PXDNL: variants seen among roughly 807,000 people sequenced by gnomAD.
PXDNL encodes peroxidasin like, also known as probable oxidoreductase PXDNL.
In PXDNL, 145 loss-of-function variants were observed where a neutral mutation model predicts 150.8. The ratio of observed to expected loss-of-function variants is 0.96; its 90% CI spans 0.84 to 1.10. The LOEUF is 1.10. Among genes scored for constraint, PXDNL ranks in the 50% least tolerant of loss-of-function variants. PXDNL has a pLI of 0.00. For missense variants in PXDNL, 2,087 were observed against 1,873.9 expected (o/e 1.11, Z -2.10); for synonymous variants, 757 against 725.7 (o/e 1.04, Z -0.69).
intron 2 of PXDNL, among the ~76,000 whole-genome samples, chr8:51,639,529 C>G (rs934607520): frequency 6.6e-6 from 1 of 152,018 alleles, no homozygotes; most frequent in Non-Finnish European, 1.5e-5. Flanking sequence ...ATATCACCAC[C>G]GATCCCACAG....
intron 14 of PXDNL, among the ~76,000 whole-genome samples, chr8:51,419,721 GTTA>G (rs1213341793): frequency 6.6e-6 from 1 of 152,094 alleles, no homozygotes; most frequent in African/African-American, 2.4e-5. Flanking sequence ...GTTACAGTAA[GTTA>G]TTATTAAATA....
rs370162027 is a variant in PXDNL at position 51,413,244 on chromosome 8, G to A, written c.1810C>T (p.Gln604Ter). The change falls in exon 15 of 23, where the codon CAA (glutamine) becomes TAA (stop). Residue 604 changes from glutamine (Q) to a stop codon, truncating the protein, a stop_gained. Coordinates refer to ENST00000356297, the MANE Select transcript of PXDNL (RefSeq NM_144651.5). LOFTEE classifies it high-confidence loss of function. Reference protein sequence around the residue: ...FLTVTAIQGRQAGDDFVESSI... With the variant: ...FLTVTAIQGR ...GATTCAACAAAGTCATCGCCAGCTT[G>A]TCTACCCTGTATAGCTTTGAAAATC... 1 of 1,607,190 alleles carries A rather than the reference G, an allele frequency of 6.2e-7. No homozygotes were observed. Among genetic ancestry groups the A allele is most frequent in the African/African-American group, 1.3e-5 (1 of 74,908 alleles).
chr8:51,440,678 GTATC>G (rs1469778037), intron 12 of PXDNL, among the ~76,000 whole-genome samples: 4 of 152,094 alleles, frequency 2.6e-5, no homozygotes, highest in African/African-American at 9.7e-5. Flanking sequence ...AATAGCTAAA[GTATC>G]TATCTAGGAA....
At chr8:51,769,986 T>A (rs779785678) in intron 1 of PXDNL, among the ~76,000 whole-genome samples, 4 of 152,258 alleles carry the variant, frequency 2.6e-5, no homozygotes, top group Non-Finnish European at 4.4e-5. Context: ...CACCCTCAGA[T>A]CATGGTAATG....
At chr8:51,709,278 G>A (rs555716438) in intron 1 of PXDNL, among the ~76,000 whole-genome samples, 6 of 150,206 alleles carry the variant, frequency 4.0e-5, no homozygotes, top group South Asian at 2.1e-4. Context: ...TTTTTGAGAC[G>A]GAGTCTCACT....
At chr8:51,468,081 T>G (rs530567953) in intron 8 of PXDNL, among the ~76,000 whole-genome samples, 1 of 152,180 alleles carries the variant, frequency 6.6e-6, no homozygotes, top group African/African-American at 2.4e-5. Context: ...TTTGTATCTT[T>G]GCATGTGATC....
At chr8:51,583,158 G>T (rs1426835373) in intron 3 of PXDNL, among the ~76,000 whole-genome samples, 1 of 152,100 alleles carries the variant, frequency 6.6e-6, no homozygotes, top group Non-Finnish European at 1.5e-5. Flanking sequence ...TAGTCCATTG[G>T]CATCGCTTTA....
chr8:51,612,935 T>C (rs1371959807), intron 2 of PXDNL, among the ~76,000 whole-genome samples: 1 of 152,214 alleles, frequency 6.6e-6, no homozygotes, highest in Admixed American at 6.5e-5. Context: ...GTCCCTTAAC[T>C]AAATTATCTT....
chr8:51,550,168 A>G (rs999941170), intron 4 of PXDNL, among the ~76,000 whole-genome samples: 3 of 152,114 alleles, frequency 2.0e-5, no homozygotes, highest in African/African-American at 7.2e-5. Context: ...AATAACAAGT[A>G]GTGAGATTGA....
chr8:51,662,373 C>T (rs959417152), intron 1 of PXDNL, among the ~76,000 whole-genome samples: 1 of 152,034 alleles, frequency 6.6e-6, no homozygotes, highest in Non-Finnish European at 1.5e-5. Flanking sequence ...CAAAAATTAG[C>T]CGGGCATGGT....
At chr8:51,482,232 G>T (rs1810621048) in intron 6 of PXDNL, among the ~76,000 whole-genome samples, 1 of 152,154 alleles carries the variant, frequency 6.6e-6, no homozygotes, top group South Asian at 2.1e-4. Flanking sequence ...AGATCATTTT[G>T]GAGCTTTAAG....
chr8:51,368,451 A>G lies in PXDNL; in HGVS notation c.3901+3422T>C, dbSNP rs540827225. Among the ~76,000 whole-genome samples, 105 of 152,334 alleles carry G rather than the reference A, an allele frequency of 6.9e-4. 1 individual carries two copies. The highest frequency in any genetic ancestry group is 3.1e-3 in the South Asian group (15 of 4,826). Reference sequence around the variant, plus strand: ...GAGAAGAGTTTCTCCAGGATTTTAAAAAAATGTAGTTAAATTTGGAAGATG... The same window carrying G: ...GAGAAGAGTTTCTCCAGGATTTTAAGAAAATGTAGTTAAATTTGGAAGATG... On this transcript the variant is annotated intron_variant, in intron 19 of 22. Coordinates refer to ENST00000356297, the MANE Select transcript of PXDNL (RefSeq NM_144651.5).
At chr8:51,663,686 T>C in intron 1 of PXDNL, among the ~76,000 whole-genome samples, 1 of 152,120 alleles carries the variant, frequency 6.6e-6, no homozygotes, top group East Asian at 1.9e-4. Flanking sequence ...TCCAGATTTC[T>C]TCATCTGCTA....
At chr8:51,590,885 T>C (rs2130652308) in intron 3 of PXDNL, among the ~76,000 whole-genome samples, 1 of 152,324 alleles carries the variant, frequency 6.6e-6, no homozygotes, top group South Asian at 2.1e-4. Flanking sequence ...TGAGATGGAA[T>C]AAATGTATTT....
chr8:51,421,869 G>A (rs76330718), intron 14 of PXDNL, among the ~76,000 whole-genome samples: 28,384 of 152,040 alleles, frequency 0.19, 2,953 homozygotes, highest in East Asian at 0.32. Flanking sequence ...CAACCCCAGC[G>A]CCTTCAGAAT....
At chr8:51,599,714 G>A (rs71213346) in intron 2 of PXDNL, among the ~76,000 whole-genome samples, 9,604 of 101,368 alleles carry the variant, frequency 0.095, 1,005 homozygotes, top group African/African-American at 0.29. Context: ...TATAAATGAT[G>A]TCATTTATAT....
intron 5 of PXDNL, among the ~76,000 whole-genome samples, chr8:51,497,427 G>A (rs773754395): frequency 7.2e-5 from 11 of 152,126 alleles, no homozygotes; most frequent in Non-Finnish European, 1.6e-4. Flanking sequence ...ATCCAAAATT[G>A]ACAAACAGGA....
intron 2 of PXDNL, among the ~76,000 whole-genome samples, chr8:51,636,972 T>G (rs1333014057): frequency 6.6e-6 from 1 of 152,108 alleles, no homozygotes; most frequent in Non-Finnish European, 1.5e-5. Flanking sequence ...CTCACACGGC[T>G]GGGTACCCCT....
intron 5 of PXDNL, among the ~76,000 whole-genome samples, chr8:51,496,826 G>C (rs945965419): frequency 1.3e-5 from 2 of 152,172 alleles, no homozygotes; most frequent in Non-Finnish European, 2.9e-5. Flanking sequence ...CTCATGGGTA[G>C]GAAGAATCAA....
Sources: gnomAD v4.1 joint callset for allele counts (sites outside exome capture counted in the v4.1 genomes callset) on GRCh38, gnomAD v4.1.1 for gene constraint, MANE v1.5 for transcripts, NCBI Gene and HGNC (gene_info 2026-07-23, HGNC 2026-07-21) for gene names.